HNRNPA1: variants seen among roughly 807,000 people sequenced by gnomAD.
The protein encoded by HNRNPA1 is heterogeneous nuclear ribonucleoprotein A1.
In HNRNPA1, 7 loss-of-function variants were observed where a neutral mutation model predicts 44.4. The observed-to-expected ratio is 0.16, with a 90% CI of 0.09 to 0.30. HNRNPA1 has a LOEUF of 0.30. Ranked by LOEUF, HNRNPA1 falls within the 10% of genes least tolerant of loss-of-function variation. HNRNPA1 has a pLI of 1.00. For missense variants in HNRNPA1, 193 were observed against 465.8 expected (o/e 0.41, Z 5.39); for synonymous variants, 169 against 160.6 (o/e 1.05, Z -0.40).
intron 7 of HNRNPA1, 88 bp downstream of exon 7, chr12:54,282,962 T>C (rs1944200584): frequency 1.3e-6 from 2 of 1,485,906 alleles, no homozygotes; most frequent in Non-Finnish European, 9.1e-7. Flanking sequence ...CTGGTGCATG[T>C]CAAACTCAAC....
At chr12:54,284,411 C>T (rs761275864) in intron 10 of HNRNPA1, 94 bp downstream of exon 10, 68 of 1,103,114 alleles carry the variant, frequency 6.2e-5, no homozygotes, top group Non-Finnish European at 9.1e-5. Flanking sequence ...ACATAGTTAA[C>T]ATTATAATTG....
Position 54,283,067 on chromosome 12 carries a change from G to T in HNRNPA1, c.752-12G>T, listed in dbSNP as rs1462118828. 1.2e-6 allele frequency: 2 copies of T among 1,611,824 alleles called. No homozygotes were observed. Among genetic ancestry groups the T allele is most frequent in the Non-Finnish European group, 1.7e-6 (2 of 1,179,284 alleles). ...TACTTTTGTCTTATTGAGAAGAATTGTATTCTTGTAGGTGGTTATGGAGGA... is the reference window on the plus strand; with the variant it reads ...TACTTTTGTCTTATTGAGAAGAATTTTATTCTTGTAGGTGGTTATGGAGGA... On this transcript the variant is annotated splice_polypyrimidine_tract_variant and intron_variant, in intron 7 of 10. Transcript: ENST00000340913.
Position 54,280,739 on chromosome 12 carries a change from A to G in HNRNPA1, c.-69A>G. On this transcript the variant is annotated 5_prime_UTR_variant, in exon 1 of 11. Transcript: ENST00000340913. ...AGGTAGGCTGGCAGATACGTTCGTC[A>G]GCTTGCTCCTTTCTGCCCGTGGACG... 3.1e-6 allele frequency: 5 copies of G among 1,589,138 alleles called. No individual in the cohort carries two copies. The highest frequency in any genetic ancestry group is 4.3e-6 in the Non-Finnish European group (5 of 1,157,398).
At chr12:54,281,715 C>G in intron 2 of HNRNPA1, 80 bp from the exon 3 acceptor site, 1 of 1,413,970 alleles carries the variant, frequency 7.1e-7, no homozygotes, top group South Asian at 1.3e-5. Flanking sequence ...TGTAAAGTTT[C>G]CTATTGCCCT....
Position 54,282,027 on chromosome 12 carries a change from A to ATTCGAGTATAGGCTTTGCTAAT in HNRNPA1, c.280-63_280-62insTTCGAGTATAGGCTTTGCTAAT. 33 of 1,599,404 alleles carry ATTCGAGTATAGGCTTTGCTAAT rather than the reference A, an allele frequency of 2.1e-5. No homozygotes were observed. The South Asian group carries it at 3.7e-4, about 18-fold the overall frequency. ...TAAGATTCGGGAGTTTTCTAAACTT[A>ATTCGAGTATAGGCTTTGCTAAT]CCAAAATTTTTTATTCGAGTATAGG... is the stretch of plus-strand genomic sequence containing the variant. On this transcript the variant is annotated intron_variant, in intron 3 of 10. Coordinates refer to ENST00000340913, the MANE Select transcript of HNRNPA1 (RefSeq NM_031157.4).
chr12:54,283,474 C>T (rs532174857), intron 8 of HNRNPA1, among the ~76,000 whole-genome samples: 6 of 152,308 alleles, frequency 3.9e-5, no homozygotes, highest in African/African-American at 1.4e-4. Flanking sequence ...AGTATTTTAA[C>T]TCCTTTGGGA....
Position 54,280,766 on chromosome 12 carries a change from C to G in HNRNPA1, c.-42C>G. On this transcript the variant is annotated 5_prime_UTR_variant, in exon 1 of 11. Coordinates refer to ENST00000340913, the MANE Select transcript of HNRNPA1 (RefSeq NM_031157.4). ...CTTGCTCCTTTCTGCCCGTGGACGC[C>G]GCCGAAGAAGCATCGTTAAAGTCTC... The G allele has an allele frequency of 1.2e-6, 2 of 1,613,722 alleles. No individual in the cohort carries two copies. Among genetic ancestry groups the G allele is most frequent in the Non-Finnish European group, 1.7e-6 (2 of 1,179,674 alleles).
chr12:54,280,851 T>A, intron 1 of HNRNPA1, 29 bp downstream of exon 1: 3 of 1,613,346 alleles, frequency 1.9e-6, no homozygotes, highest in Non-Finnish European at 2.5e-6. Flanking sequence ...CCCACTTGAA[T>A]TTTTTCCTCT....
rs1054452746 is a variant in HNRNPA1, at chr12:54,282,379, A to T, written c.491-15A>T. 4.4e-6 allele frequency: 7 copies of T among 1,606,458 alleles called. No homozygotes were observed. The highest frequency in any genetic ancestry group is 6.0e-6 in the Non-Finnish European group (7 of 1,173,416). On this transcript the variant is annotated splice_polypyrimidine_tract_variant and intron_variant, in intron 4 of 10. Transcript: ENST00000340913. The stretch of plus-strand genomic sequence containing the variant: ...TAAACCCTGATACCATGTTGTATCT[A>T]TGTTTTTTTTTTAGTTCAGAAATAC...
At chr12:54,283,763 C>CT in intron 8 of HNRNPA1, 49 bp from the exon 9 acceptor site, 1 of 1,574,410 alleles carries the variant, frequency 6.4e-7, no homozygotes, top group Non-Finnish European at 8.7e-7. Context: ...GAATTGGAAA[C>CT]TAACATCATC....
rs371679463 is a variant in HNRNPA1, at chr12:54,282,415, A to T, written c.512A>T (p.Asn171Ile). The stretch of plus-strand genomic sequence containing the variant: ...TTAGTTCAGAAATACCATACTGTGA[A>T]TGGCCACAACTGTGAAGTTAGAAAA... ...KIVIQKYHTV[N>I]GHNCEVRKAL... The change falls in exon 5 of 11, where the codon AAT becomes ATT. Residue 171 changes from asparagine (N) to isoleucine (I), a missense_variant. Physicochemically the swap from Asn to Ile is moderately radical, Grantham distance 149. This residue lies in a region of HNRNPA1 where 57 missense variants were observed against 231.3 expected (regional missense o/e 0.25). Transcript: ENST00000340913. 7 of 1,613,656 alleles carry T rather than the reference A, an allele frequency of 4.3e-6. No homozygotes were observed. The highest frequency in any genetic ancestry group is 5.1e-6 in the Non-Finnish European group (6 of 1,179,846).
chr12:54,282,662 C>G lies in HNRNPA1; in HGVS notation c.673C>G (p.Arg225Gly). Reference sequence around the variant, plus strand: ...CGGTCGTGGAGGAAACTTCAGTGGTCGTGGTATGTATGGTTTATCTACATG... The same window carrying G: ...CGGTCGTGGAGGAAACTTCAGTGGTGGTGGTATGTATGGTTTATCTACATG... ...NFGRGGNFSGRGGFGGSRGGG... is the reference protein window; with the variant it reads ...NFGRGGNFSGGGGFGGSRGGG... The change falls in exon 6 of 11, where the codon CGT (arginine) becomes GGT (glycine). Residue 225 changes from arginine to glycine, a missense_variant. Physicochemically the swap from Arg to Gly is moderately radical, Grantham distance 125 (BLOSUM62 -2). Transcript: ENST00000340913. 1 of 1,612,452 alleles carries G rather than the reference C, an allele frequency of 6.2e-7. No individual in the cohort carries two copies. Among genetic ancestry groups the G allele is most frequent in the Non-Finnish European group, 8.5e-7 (1 of 1,178,680 alleles).
At chr12:54,281,031 C>T (rs759484713) in intron 1 of HNRNPA1, 2 of 712,450 alleles carry the variant, frequency 2.8e-6, no homozygotes, top group South Asian at 1.5e-5. Context: ...TCATGCGGGA[C>T]TCGTTACTCG....
rs1944198525 is a variant in HNRNPA1 at position 54,282,861 on chromosome 12, A to G, written c.738A>G (p.Gly246=). 1 of 1,550,570 alleles carries G rather than the reference A, an allele frequency of 6.4e-7. No individual in the cohort carries two copies. The highest frequency in any genetic ancestry group is 1.2e-5 in the South Asian group (1 of 83,910). The part of the protein sequence containing the change: ...GYGGSGDGYN[G]FGNDGGYGGG... Reference sequence around the variant, plus strand: ...GTGGCAGTGGGGATGGCTATAATGGATTTGGTAATGATGGTAAGTTTTTTA... The same window carrying G: ...GTGGCAGTGGGGATGGCTATAATGGGTTTGGTAATGATGGTAAGTTTTTTA... Residue 246 remains glycine, a synonymous_variant, in exon 7 of 11, where the codon GGA becomes GGG. Coordinates refer to ENST00000340913, the MANE Select transcript of HNRNPA1 (RefSeq NM_031157.4).
At chr12:54,284,184 A>G in intron 9 of HNRNPA1, 74 bp from the exon 10 acceptor site, 1 of 1,513,676 alleles carries the variant, frequency 6.6e-7, no homozygotes, top group Admixed American at 1.8e-5. Context: ...CTTGAATTTA[A>G]CTTTTATTAT....
chr12:54,283,009 G>C (rs2137043679), intron 7 of HNRNPA1, 70 bp from the exon 8 acceptor site: 1 of 1,562,414 alleles, frequency 6.4e-7, no homozygotes, highest in Non-Finnish European at 8.7e-7. Flanking sequence ...CAGGCCTTCA[G>C]CCGTTACACT....
chr12:54,284,504 C>CT, intron 10 of HNRNPA1, 45 bp from the exon 11 acceptor site: 1 of 723,060 alleles, frequency 1.4e-6, no homozygotes, highest in Non-Finnish European at 2.5e-6. Flanking sequence ...AGCCTTGAGT[C>CT]TTAATATGTT....
Position 54,283,100 on chromosome 12 carries a change from C to G in HNRNPA1, c.773C>G (p.Pro258Arg). 1 of 1,613,264 alleles carries G rather than the reference C, an allele frequency of 6.2e-7. No homozygotes were observed. Among genetic ancestry groups the G allele is most frequent in the Non-Finnish European group, 8.5e-7 (1 of 1,179,750 alleles). ...GTAGGTGGTTATGGAGGAGGCGGCC[C>G]TGGTTACTCTGGAGGAAGCAGAGGC... Reference protein sequence around the residue: ...GNDGGYGGGGPGYSGGSRGYG... With the variant: ...GNDGGYGGGGRGYSGGSRGYG... Residue 258 changes from proline to arginine, a missense_variant, in exon 8 of 11, where the codon CCT (proline) becomes CGT (arginine). By Grantham distance (103) the Pro-to-Arg change is moderately radical (BLOSUM62 -2). Transcript: ENST00000340913.
chr12:54,284,500 G>C (rs755142260), intron 10 of HNRNPA1, 49 bp from the exon 11 acceptor site: 41 of 725,368 alleles, frequency 5.7e-5, no homozygotes, highest in Non-Finnish European at 9.9e-6. Context: ...TTGTAGCCTT[G>C]AGTCTTAATA....
Sources: allele counts gnomAD v4.1 joint callset (sites outside exome capture counted in the v4.1 genomes callset), GRCh38; gene constraint gnomAD v4.1.1; regional missense constraint gnomAD v4.1.1; transcripts MANE v1.5; gene names NCBI Gene and HGNC (gene_info 2026-07-23, HGNC 2026-07-21).